The following BCAR3 variants were observed in gnomAD, a reference collection of about 807,000 sequenced individuals.
BCAR3 encodes the protein BCAR3 adaptor protein, NSP family member, also known as breast cancer anti-estrogen resistance protein 3.
BCAR3 carries 37 observed loss-of-function variants against 80.1 expected under a neutral mutation model. The ratio of observed to expected loss-of-function variants is 0.46; its 90% CI spans 0.36 to 0.61. The LOEUF (loss-of-function observed/expected upper bound fraction) is 0.61, where lower values mean the gene tolerates loss of function less well. BCAR3 is among the 20% of genes least tolerant of loss of function. The probability of loss-of-function intolerance (pLI) is 0.00; values close to 1 mark genes in which losing one functional copy is unlikely to be tolerated. For synonymous variants in BCAR3, 389 were observed against 418.9 expected, an observed-to-expected ratio of 0.93 and a Z score of 0.87; for missense variants, 978 against 1,068.2, an observed-to-expected ratio of 0.92 and a Z score of 1.18.
rs1405486138 is a variant in BCAR3, at chr1:93,562,385, G to A, written c.2334C>T (p.Cys778=). ...GCAATCGCATTTGAAATTCAGTCTTGCAGATTTCATTCATTTCTTCATCTG... is the reference window on the plus strand; with the variant it reads ...GCAATCGCATTTGAAATTCAGTCTTACAGATTTCATTCATTTCTTCATCTG... The part of the protein sequence containing the change: ...FQPDEEMNEI[C]KTEFQMRLLW... The change falls in exon 12 of 12, where the codon TGC becomes TGT. Residue 778 remains cysteine (C), a synonymous_variant. Coordinates refer to ENST00000260502, the MANE Select transcript of BCAR3 (RefSeq NM_003567.4). 6.2e-7 allele frequency: 1 copy of A among 1,613,810 alleles called. No individual in the cohort carries two copies. Among genetic ancestry groups the A allele is most frequent in the Non-Finnish European group, 8.5e-7 (1 of 1,179,894 alleles).
rs548876030 is a variant in BCAR3, at chr1:93,837,634, C to T, written c.-63+7933G>A. Reference sequence around the variant, plus strand: ...GCTCTGAGACTGCTGGGTCCCACCCCTTCAAGATTCCTAGCCAATCAGGCT... The same window carrying T: ...GCTCTGAGACTGCTGGGTCCCACCCTTTCAAGATTCCTAGCCAATCAGGCT... On this transcript the variant is annotated intron_variant, in intron 2 of 13. Coordinates refer to the BCAR3 transcript ENST00000370244. 4.6e-5 allele frequency among the ~76,000 whole-genome samples: 7 copies of T among 152,342 alleles called. No homozygotes were observed. In the Middle Eastern group the frequency reaches 0.014, roughly 296 times the overall value.
chr1:93,644,493 A>C (rs115019684), intron 2 of BCAR3, among the ~76,000 whole-genome samples: 1 of 152,142 alleles, frequency 6.6e-6, no homozygotes, highest in Middle Eastern at 3.2e-3. Flanking sequence ...GTATTTCTTA[A>C]AAGTATTTGA....
chr1:93,796,425 G>GC (rs1653266239), intron 2 of BCAR3, among the ~76,000 whole-genome samples: 1 of 146,824 alleles, frequency 6.8e-6, no homozygotes, highest in African/African-American at 2.7e-5. Flanking sequence ...TTTTCCAGGT[G>GC]CGTCCGTCAC....
chr1:93,641,450 A>G (rs1323063366), intron 3 of BCAR3, among the ~76,000 whole-genome samples: 3 of 152,250 alleles, frequency 2.0e-5, no homozygotes, highest in Non-Finnish European at 4.4e-5. Context: ...ATGTTGTCAT[A>G]AATCCAAGAA....
In BCAR3 at chr1:93,808,094, T is replaced by G. The variant is rs115916439; in HGVS notation, c.-63+37473A>C. On this transcript the variant is annotated intron_variant, in intron 2 of 13. Coordinates refer to the BCAR3 transcript ENST00000370244. ...AAAAGAAAAAATTGCAGAGAGTCCC[T>G]CTCTGTACATTCAGAAAGAGAATCA... 2.5e-3 allele frequency among the ~76,000 whole-genome samples: 381 copies of G among 150,338 alleles called. 1 individual carries two copies. Among genetic ancestry groups the G allele is most frequent in the African/African-American group, 8.8e-3 (360 of 40,940 alleles).
At chr1:93,603,989 C>T (rs796836444) in intron 3 of BCAR3, among the ~76,000 whole-genome samples, 2 of 152,304 alleles carry the variant, frequency 1.3e-5, no homozygotes, top group African/African-American at 4.8e-5. Flanking sequence ...TTGATGTTAA[C>T]GTTTAAGCAC....
At chr1:93,674,574 T>A in intron 2 of BCAR3, 40 bp downstream of exon 2, 2 of 1,602,110 alleles carry the variant, frequency 1.2e-6, no homozygotes, top group African/African-American at 1.3e-5. Context: ...AAAAGCTGTT[T>A]AAGACAAATC....
intron 7 of BCAR3, among the ~76,000 whole-genome samples, chr1:93,576,718 TGA>T (rs1276391036): frequency 6.6e-6 from 1 of 152,264 alleles, no homozygotes; most frequent in Non-Finnish European, 1.5e-5. Flanking sequence ...TTCTTTCTCC[TGA>T]GAGGCTTTTC....
At chr1:93,731,455 G>A (rs1428980429) in intron 2 of BCAR3, among the ~76,000 whole-genome samples, 3 of 151,898 alleles carry the variant, frequency 2.0e-5, no homozygotes, top group Admixed American at 6.6e-5. Flanking sequence ...TCTAGGAGAG[G>A]CACAACAACG....
intron 2 of BCAR3, chr1:93,754,335 C>T (rs1173123748): frequency 6.6e-6 from 1 of 152,184 alleles, no homozygotes; most frequent in African/African-American, 2.4e-5. Flanking sequence ...AATCGCAGGC[C>T]TCCATTGTTC....
chr1:93,575,918 A>G (rs1486878921), intron 8 of BCAR3, 96 bp downstream of exon 8: 1 of 1,011,548 alleles, frequency 9.9e-7, no homozygotes, highest in Non-Finnish European at 1.5e-6. Flanking sequence ...CCCCAGGGCT[A>G]GGCTGGTGCT....
At chr1:93,639,648 T>C (rs916666181) in intron 3 of BCAR3, among the ~76,000 whole-genome samples, 1 of 152,042 alleles carries the variant, frequency 6.6e-6, no homozygotes, top group African/African-American at 2.4e-5. Flanking sequence ...GGCTAATTTT[T>C]GTATTTTTAG....
At chr1:93,646,747 G>A (rs1298112154) in intron 2 of BCAR3, among the ~76,000 whole-genome samples, 1 of 151,992 alleles carries the variant, frequency 6.6e-6, no homozygotes, top group African/African-American at 2.4e-5. Context: ...ATGAAATATT[G>A]TTGGCTTAAT....
At position 93,704,277 on chromosome 1, in the gene BCAR3, G is replaced by A. The variant is rs937198707; in HGVS notation, c.-12+1815C>T. On this transcript the variant is annotated intron_variant, in intron 3 of 13. Transcript: ENST00000370244. Reference sequence around the variant, plus strand: ...GGCAAAAGTCCACATTTAGACATAAGTTTGGCAAATTTGAGGAACAGAAAG... The same window carrying A: ...GGCAAAAGTCCACATTTAGACATAAATTTGGCAAATTTGAGGAACAGAAAG... Among the ~76,000 whole-genome samples the A allele has an allele frequency of 4.1e-5, 6 of 145,068 alleles. No homozygotes were observed. The South Asian group carries it at 1.4e-3, about 35-fold the overall frequency.
intron 2 of BCAR3, among the ~76,000 whole-genome samples, chr1:93,738,896 C>A (rs947343): frequency 6.6e-5 from 10 of 151,900 alleles, no homozygotes; most frequent in African/African-American, 2.4e-4. Context: ...AAAGGATAAC[C>A]TGAGAGCCAG....
chr1:93,611,670 G>A (rs904280666), intron 3 of BCAR3, among the ~76,000 whole-genome samples: 11 of 152,082 alleles, frequency 7.2e-5, no homozygotes, highest in Admixed American at 2.0e-4. Context: ...ACACAAGTCC[G>A]TATGAGGCCT....
chr1:93,764,623 C>T (rs12122531), intron 2 of BCAR3, among the ~76,000 whole-genome samples: 17,741 of 152,114 alleles, frequency 0.12, 1,454 homozygotes, highest in African/African-American at 0.22. Flanking sequence ...CCCATCCCCA[C>T]ATCGCTACCA....
At chr1:93,718,532 C>A (rs1377498388) in intron 2 of BCAR3, among the ~76,000 whole-genome samples, 2 of 152,086 alleles carry the variant, frequency 1.3e-5, no homozygotes, top group Non-Finnish European at 2.9e-5. Context: ...CTTCACACCT[C>A]TGGGCCTCAA....
At chr1:93,831,293 T>G (rs1654554239) in intron 2 of BCAR3, among the ~76,000 whole-genome samples, 1 of 152,122 alleles carries the variant, frequency 6.6e-6, no homozygotes, top group Non-Finnish European at 1.5e-5. Flanking sequence ...TGGGCAACTT[T>G]CCGCCCTCCA....
Sources: allele counts gnomAD v4.1 joint callset (sites outside exome capture counted in the v4.1 genomes callset), GRCh38; gene constraint gnomAD v4.1.1; transcripts MANE v1.5; gene names NCBI Gene and HGNC (gene_info 2026-07-23, HGNC 2026-07-21).